The following PTPRG variants were observed in gnomAD, a reference collection of about 807,000 sequenced individuals.
The protein encoded by PTPRG is receptor-type tyrosine-protein phosphatase gamma.
Under a neutral mutation model 165.3 loss-of-function variants are expected in PTPRG, and 102 were observed. The observed-to-expected ratio is 0.62, with a 90% confidence interval of 0.53 to 0.73. The LOEUF (loss-of-function observed/expected upper bound fraction) is 0.73. PTPRG is among the 30% of genes least tolerant of loss of function. PTPRG has a pLI of 0.00. For synonymous variants in PTPRG, 675 were observed against 669.5 expected, an observed-to-expected ratio of 1.01 and a Z score of -0.13; for missense variants, 1,866 against 1,861.4, an observed-to-expected ratio of 1.00 and a Z score of -0.05.
At chr3:61,856,687 T>A (rs2037115543) in intron 2 of PTPRG, among the ~76,000 whole-genome samples, 2 of 152,226 alleles carry the variant, frequency 1.3e-5, no homozygotes, top group Admixed American at 1.3e-4. Context: ...TGTCTCCAGG[T>A]CATTAACAAA....
At chr3:61,936,969 T>C (rs1346935307) in intron 2 of PTPRG, among the ~76,000 whole-genome samples, 1 of 152,220 alleles carries the variant, frequency 6.6e-6, no homozygotes, top group Non-Finnish European at 1.5e-5. Flanking sequence ...AGAAATGCTT[T>C]TAATCCCCAC....
At chr3:61,583,048 C>T (rs577668098) in intron 1 of PTPRG, among the ~76,000 whole-genome samples, 12 of 152,264 alleles carry the variant, frequency 7.9e-5, no homozygotes, top group African/African-American at 2.2e-4. Context: ...AATGAGCATA[C>T]GGTGGTTGAC....
chr3:62,279,142 T>C (rs1702339432), intron 26 of PTPRG, among the ~76,000 whole-genome samples: 1 of 152,048 alleles, frequency 6.6e-6, no homozygotes, highest in Non-Finnish European at 1.5e-5. Flanking sequence ...TATCTCTGAG[T>C]TCTTTTTGTT....
intron 4 of PTPRG, among the ~76,000 whole-genome samples, chr3:62,025,231 G>A (rs550111715): frequency 6.6e-6 from 1 of 152,210 alleles, no homozygotes; most frequent in South Asian, 2.1e-4. Context: ...TAAAATTATA[G>A]GTCTGAATGC....
At chr3:61,678,755 T>C (rs1232637986) in intron 1 of PTPRG, among the ~76,000 whole-genome samples, 2 of 152,190 alleles carry the variant, frequency 1.3e-5, no homozygotes, top group South Asian at 2.1e-4. Context: ...ATTATACAAA[T>C]AACCCCAAAC....
chr3:61,896,173 G>A (rs181781454), intron 2 of PTPRG, among the ~76,000 whole-genome samples: 2 of 152,174 alleles, frequency 1.3e-5, no homozygotes, highest in African/African-American at 2.4e-5. Context: ...AATACCATAA[G>A]GATCCCTCAT....
rs1244641883 is a variant in PTPRG, at chr3:62,252,283, GAA to G, written c.2468-2840_2468-2839del. ...GAGACCATCTCCCTAATATCTGGCT[GAA>G]TACTAGGTGCTCAGAAACGGCTTCA... On this transcript the variant is annotated intron_variant, in intron 15 of 29. Transcript: ENST00000474889. This position sits in a 1 kb window ranked among gnomAD's most constrained non-coding sequence, Gnocchi z 4.6. Among the ~76,000 whole-genome samples, 1 of 152,148 alleles carries G rather than the reference GAA, an allele frequency of 6.6e-6. No individual in the cohort carries two copies. The highest frequency in any genetic ancestry group is 2.4e-5 in the African/African-American group (1 of 41,444).
chr3:62,184,252 T>C lies in PTPRG; in HGVS notation c.1034-7217T>C, dbSNP rs183402229. ...CAGCTAGAAATGATTCAGATGGAAATGCACATTACACTGGAGCTGGGGTCC... is the reference window on the plus strand; with the variant it reads ...CAGCTAGAAATGATTCAGATGGAAACGCACATTACACTGGAGCTGGGGTCC... On this transcript the variant is annotated intron_variant, in intron 8 of 29. Transcript: ENST00000474889. 6.6e-5 allele frequency among the ~76,000 whole-genome samples: 10 copies of C among 152,296 alleles called. No homozygotes were observed. The South Asian group carries it at 8.3e-4, about 13-fold the overall frequency.
intron 4 of PTPRG, among the ~76,000 whole-genome samples, chr3:62,031,877 G>A (rs556103575): frequency 2.6e-5 from 4 of 152,198 alleles, no homozygotes; most frequent in South Asian, 4.1e-4. Flanking sequence ...CTCTGTGGAA[G>A]TGGCGGGTGT....
At chr3:62,262,130 G>A (rs545720623) in intron 16 of PTPRG, 1 of 152,278 alleles carries the variant, frequency 6.6e-6, no homozygotes, top group African/African-American at 2.4e-5. Flanking sequence ...GGCCAAGGTA[G>A]GATAAGAGTG....
At chr3:62,234,936 T>TTC (rs1553655884) in intron 14 of PTPRG, among the ~76,000 whole-genome samples, 108 of 146,278 alleles carry the variant, frequency 7.4e-4, no homozygotes, top group African/African-American at 2.7e-3. Context: ...TGAATCTACT[T>TTC]CCCCCCCCCG....
chr3:61,808,152 G>A (rs1359312234), intron 2 of PTPRG, among the ~76,000 whole-genome samples: 1 of 152,188 alleles, frequency 6.6e-6, no homozygotes, highest in Non-Finnish European at 1.5e-5. Flanking sequence ...GACCTTTTGT[G>A]TGTGTAACCA....
chr3:62,152,824 T>C (rs975536976), intron 6 of PTPRG, among the ~76,000 whole-genome samples: 14 of 152,198 alleles, frequency 9.2e-5, no homozygotes, highest in African/African-American at 3.4e-4. Context: ...TTCTGATACT[T>C]GGGATTCCTT....
chr3:62,169,430 G>GA (rs1705133412), intron 8 of PTPRG, among the ~76,000 whole-genome samples: 1 of 152,014 alleles, frequency 6.6e-6, no homozygotes, highest in Non-Finnish European at 1.5e-5. Context: ...CCCGGTATCT[G>GA]ATAAACATAA....
At chr3:61,671,964 G>A (rs1442163420) in intron 1 of PTPRG, among the ~76,000 whole-genome samples, 18 of 135,380 alleles carry the variant, frequency 1.3e-4, no homozygotes, top group East Asian at 2.3e-4. Flanking sequence ...CTTCCCAGAC[G>A]GGGTGGCTGC....
chr3:62,203,202 C>T lies in PTPRG; in HGVS notation c.1407C>T (p.Asp469=), dbSNP rs1700136490. The change falls in exon 12 of 30, where the codon GAC becomes GAT. Residue 469 remains aspartate (D), a synonymous_variant. Coordinates refer to ENST00000474889, the MANE Select transcript of PTPRG (RefSeq NM_002841.4). The surrounding 1 kb of genome is among the most constrained non-coding windows in gnomAD (Gnocchi z 6.4). Reference sequence around the variant, plus strand: ...CAGCGTCTCCTGCCTCTTCAGCCGACATGGCCCCCATCAGCTCGGGGTCTT... The same window carrying T: ...CAGCGTCTCCTGCCTCTTCAGCCGATATGGCCCCCATCAGCTCGGGGTCTT... ...VPTASPASSA[D]MAPISSGSST... is the part of the protein sequence containing the mutation. 1 of 1,605,294 alleles carries T rather than the reference C, an allele frequency of 6.2e-7. No homozygotes were observed. The highest frequency in any genetic ancestry group is 8.5e-7 in the Non-Finnish European group (1 of 1,173,918).
chr3:61,782,412 C>T (rs17065345), intron 2 of PTPRG, among the ~76,000 whole-genome samples: 12,203 of 152,242 alleles, frequency 0.08, 988 homozygotes, highest in East Asian at 0.45. Context: ...TGTGTTAAAT[C>T]GGTCAGTAAA....
chr3:62,156,060 C>G (rs1704525226), intron 6 of PTPRG, among the ~76,000 whole-genome samples: 1 of 152,222 alleles, frequency 6.6e-6, no homozygotes, highest in African/African-American at 2.4e-5. Flanking sequence ...ACGAAAGAAG[C>G]TAGATAGTTT....
chr3:61,674,224 A>G (rs897785156), intron 1 of PTPRG, among the ~76,000 whole-genome samples: 1 of 152,154 alleles, frequency 6.6e-6, no homozygotes, highest in African/African-American at 2.4e-5. Flanking sequence ...AGAAAAGCCT[A>G]TTGAATGTCT....
Sources: allele counts gnomAD v4.1 joint callset (sites outside exome capture counted in the v4.1 genomes callset), GRCh38; gene constraint gnomAD v4.1.1; non-coding constraint Gnocchi (gnomAD v3.1); transcripts MANE v1.5; gene names NCBI Gene and HGNC (gene_info 2026-07-23, HGNC 2026-07-21).